Variants in NTAQ1 observed in about 807,000 individuals in gnomAD.
The protein encoded by NTAQ1 is protein N-terminal glutamine amidohydrolase.
Under a neutral mutation model 28.2 loss-of-function variants are expected in NTAQ1, and 21 were observed. That is an observed-to-expected ratio of 0.74 (90% CI 0.53 to 1.07). The LOEUF is 1.07. Among genes scored for constraint, NTAQ1 ranks in the 50% least tolerant of loss-of-function variants. The pLI is 0.00. For missense variants in NTAQ1, 264 were observed against 256.6 expected (o/e 1.03, Z -0.20); for synonymous variants, 105 against 90.0 (o/e 1.17, Z -0.94).
At chr8:123,461,429 CA>C (rs1026794622) in intron 6 of NTAQ1, among the ~76,000 whole-genome samples, 3 of 152,306 alleles carry the variant, frequency 2.0e-5, no homozygotes, top group Admixed American at 2.0e-4. Flanking sequence ...TGGGGAAACT[CA>C]ACCCAATGCA....
downstream of NTAQ1, among the ~76,000 whole-genome samples, chr8:123,448,755 C>G (rs563562146): frequency 1.3e-5 from 2 of 152,310 alleles, no homozygotes; most frequent in South Asian, 4.1e-4. Flanking sequence ...TCTATCCAGT[C>G]CTGTTGTTTT....
chr8:123,468,238 A>C (rs1286612166), exon 7 of NTAQ1, among the ~76,000 whole-genome samples: 1 of 152,244 alleles, frequency 6.6e-6, no homozygotes, highest in East Asian at 1.9e-4. Context: ...ATTTATGGTA[A>C]AAATATAACA....
downstream of NTAQ1, among the ~76,000 whole-genome samples, chr8:123,470,753 A>G (rs1024146164): frequency 3.3e-5 from 5 of 152,120 alleles, no homozygotes; most frequent in African/African-American, 4.8e-5. Flanking sequence ...CATCAAGCCT[A>G]TGCTTCATTT....
At chr8:123,445,730 G>A (rs866201408), downstream of NTAQ1, among the ~76,000 whole-genome samples, 4 of 148,822 alleles carry the variant, frequency 2.7e-5, no homozygotes, top group African/African-American at 7.4e-5. Context: ...CTCAGCCTCC[G>A]CATTAGCTGG....
chr8:123,474,887 CAAAACA>C (rs1223359944), downstream of NTAQ1, among the ~76,000 whole-genome samples: 3 of 152,184 alleles, frequency 2.0e-5, no homozygotes, highest in African/African-American at 7.2e-5. Flanking sequence ...AACTCTGTCT[CAAAACA>C]AAAACAAAAA....
intron 2 of NTAQ1, among the ~76,000 whole-genome samples, chr8:123,429,461 T>C (rs1814261508): frequency 6.6e-6 from 1 of 152,182 alleles, no homozygotes; most frequent in Non-Finnish European, 1.5e-5. Context: ...CCCAGCTACT[T>C]GTGAGGCGGC....
downstream of NTAQ1, among the ~76,000 whole-genome samples, chr8:123,473,838 G>T (rs1231778677): frequency 6.6e-6 from 1 of 152,000 alleles, no homozygotes; most frequent in African/African-American, 2.4e-5. Flanking sequence ...ACCTCTAATT[G>T]TGAAGGTTAA....
chr8:123,423,501 CCTGA>C (rs1813856985), intron 1 of NTAQ1, among the ~76,000 whole-genome samples: 1 of 150,058 alleles, frequency 6.7e-6, no homozygotes, highest in Non-Finnish European at 1.5e-5. Context: ...GTTTCAAACT[CCTGA>C]GCTCAAGTTA....
At chr8:123,450,328 G>A (rs1815453715), downstream of NTAQ1, among the ~76,000 whole-genome samples, 1 of 151,610 alleles carries the variant, frequency 6.6e-6, no homozygotes, top group Non-Finnish European at 1.5e-5. Context: ...AGGTCTGTGG[G>A]CAATTTCAGT....
intron 6 of NTAQ1, among the ~76,000 whole-genome samples, chr8:123,455,654 A>AG (rs2130396804): frequency 1.3e-5 from 2 of 152,008 alleles, no homozygotes; most frequent in Admixed American, 1.3e-4. Context: ...GGAACCCCTG[A>AG]GCTCAGGCAA....
chr8:123,417,926 C>G (rs1305130751), intron 1 of NTAQ1, among the ~76,000 whole-genome samples: 1 of 152,156 alleles, frequency 6.6e-6, no homozygotes, highest in Non-Finnish European at 1.5e-5. Context: ...GGAACCTCTT[C>G]GTGATTCTGA....
intron 6 of NTAQ1, chr8:123,467,016 G>T (rs1342461489): frequency 6.6e-6 from 1 of 151,334 alleles, no homozygotes; most frequent in Non-Finnish European, 1.5e-5. Context: ...AAATGTTTGT[G>T]GTTCTTGAAA....
At chr8:123,465,574 C>T (rs76231855) in intron 6 of NTAQ1, among the ~76,000 whole-genome samples, 26 of 78,568 alleles carry the variant, frequency 3.3e-4, no homozygotes, top group African/African-American at 8.0e-4. Context: ...AGCATAACAT[C>T]TTTTTTTTTT....
At chr8:123,468,826 A>G (rs1354195441) in exon 7 of NTAQ1, among the ~76,000 whole-genome samples, 1 of 152,200 alleles carries the variant, frequency 6.6e-6, no homozygotes, top group Non-Finnish European at 1.5e-5. Flanking sequence ...CATTCCACAA[A>G]CAGTGCACAA....
At chr8:123,454,745 A>T (rs1447029928) in intron 6 of NTAQ1, among the ~76,000 whole-genome samples, 4 of 152,124 alleles carry the variant, frequency 2.6e-5, no homozygotes, top group African/African-American at 9.7e-5. Context: ...CTGCCAGCGG[A>T]TACTGTAGCT....
At position 123,416,781 on chromosome 8, in the gene NTAQ1, G is replaced by T; in HGVS notation, c.-69G>T. ...CGGGAACCCACGCGGGCCACTACAAGCCCGCCCTTTCCTACGTCTGGTCCA... is the reference window on the plus strand; with the variant it reads ...CGGGAACCCACGCGGGCCACTACAATCCCGCCCTTTCCTACGTCTGGTCCA... On this transcript the variant is annotated 5_prime_UTR_variant, in exon 1 of 6. Coordinates refer to ENST00000287387, the MANE Select transcript of NTAQ1 (RefSeq NM_018024.3). The T allele has an allele frequency of 6.9e-7, 1 of 1,441,974 alleles. No individual in the cohort carries two copies. The highest frequency in any genetic ancestry group is 9.2e-7 in the Non-Finnish European group (1 of 1,089,692). 89.3% of individuals were successfully genotyped at this position (1,441,974 alleles called of 1,614,324 possible). A position where few individuals can be genotyped will look rare whatever the true frequency, so the allele number is the denominator to read the frequency against.
In NTAQ1 at chr8:123,420,126, T is replaced by G. The variant is rs535950461; in HGVS notation, c.83+3194T>G. 5.9e-5 allele frequency among the ~76,000 whole-genome samples: 9 copies of G among 152,250 alleles called. No homozygotes were observed. The South Asian group carries it at 1.9e-3, about 32-fold the overall frequency. ...TTTCCTTTTTTGTGTCCATGTGTAC[T>G]CAAGGTTTAGCTCCCACTTATACGC... On this transcript the variant is annotated intron_variant, in intron 1 of 5. Coordinates refer to ENST00000287387, the MANE Select transcript of NTAQ1 (RefSeq NM_018024.3).
In NTAQ1 at chr8:123,453,489, C is replaced by T. The variant is rs571220208; in HGVS notation, c.372+12140C>T. Among the ~76,000 whole-genome samples, 37 of 150,930 alleles carry T rather than the reference C, an allele frequency of 2.5e-4. No individual in the cohort carries two copies. The East Asian group carries it at 7.0e-3, about 29-fold the overall frequency. On this transcript the variant is annotated intron_variant, in intron 6 of 6. Transcript: ENST00000650311. ...TGTCACCTAGGCTGGAGTGCAGTGG[C>T]ACGATCTCAGCTCACTGCAACCTCT...
rs376696958 is a variant in NTAQ1 at position 123,436,436 on chromosome 8, G to A, written c.235-17G>A. On this transcript the variant is annotated splice_polypyrimidine_tract_variant and intron_variant, in intron 3 of 5. Transcript: ENST00000287387. ...TTATGAAGTAACTTGGTTAACTTCA[G>A]CAACTTTTACTTTTAGGATTACCAT... 15 of 1,611,622 alleles carry A rather than the reference G, an allele frequency of 9.3e-6. No individual in the cohort carries two copies. The highest frequency in any genetic ancestry group is 1.3e-5 in the Non-Finnish European group (15 of 1,178,844).
Sources: gnomAD v4.1 joint callset for allele counts (sites outside exome capture counted in the v4.1 genomes callset) on GRCh38, gnomAD v4.1.1 for gene constraint, MANE v1.5 for transcripts, NCBI Gene and HGNC (gene_info 2026-07-23, HGNC 2026-07-21) for gene names.